PCDHGB1: variants seen among roughly 807,000 people sequenced by gnomAD.
The protein encoded by PCDHGB1 is protocadherin gamma subfamily B, 1, also known as protocadherin gamma-B1.
Under a neutral mutation model 56.6 loss-of-function variants are expected in PCDHGB1, and 34 were observed. The ratio of observed to expected loss-of-function variants is 0.60; its 90% confidence interval spans 0.46 to 0.80. PCDHGB1 has a LOEUF of 0.80. Among genes scored for constraint, PCDHGB1 ranks in the 30% least tolerant of loss-of-function variants. The pLI is 0.00. For synonymous variants in PCDHGB1, 561 were observed against 505.9 expected, an observed-to-expected ratio of 1.11 and a Z score of -1.46; for missense variants, 1,278 against 1,204.6, an observed-to-expected ratio of 1.06 and a Z score of -0.90.
chr5:141,369,045 A>G (rs1239688019), intron 1 of PCDHGB1, among the ~76,000 whole-genome samples: 2 of 152,192 alleles, frequency 1.3e-5, no homozygotes, highest in East Asian at 1.9e-4. Flanking sequence ...TAGAGTAACA[A>G]TACATTATGT....
intron 1 of PCDHGB1, among the ~76,000 whole-genome samples, chr5:141,368,795 A>G (rs1765861379): frequency 6.6e-6 from 1 of 152,188 alleles, no homozygotes; most frequent in Non-Finnish European, 1.5e-5. Flanking sequence ...ATAATTTTTC[A>G]TACTAATTGA....
chr5:141,366,824 C>T, intron 1 of PCDHGB1: 1 of 1,535,428 alleles, frequency 6.5e-7, no homozygotes, highest in Non-Finnish European at 8.8e-7. Context: ...CTGTCATATT[C>T]AGAATCAGCT....
rs1466755382 is a variant in PCDHGB1 at position 141,384,339 on chromosome 5, C to G, written c.2409+31670C>G. 19 of 1,613,782 alleles carry G rather than the reference C, an allele frequency of 1.2e-5. 1 individual carries two copies. Among genetic ancestry groups the G allele is most frequent in the Non-Finnish European group, 1.6e-5 (19 of 1,179,910 alleles). ...TCTTAGTGACTGCACAGGACCACGA[C>G]AGTGAGGATAATGCCCAGATCACTT... On this transcript the variant is annotated intron_variant, in intron 1 of 3. Coordinates refer to ENST00000523390, the MANE Select transcript of PCDHGB1 (RefSeq NM_018922.3).
At chr5:141,501,326 CACACACA>C (rs1562200783) in intron 2 of PCDHGB1, among the ~76,000 whole-genome samples, 10 of 151,784 alleles carry the variant, frequency 6.6e-5, no homozygotes, top group African/African-American at 1.9e-4. Flanking sequence ...CACACACACA[CACACACA>C]CCCCAAACTC....
Position 141,379,889 on chromosome 5 carries a change from C to CTTTTTT in PCDHGB1, c.2409+27245_2409+27250dup, listed in dbSNP as rs70988800. Among the ~76,000 whole-genome samples the CTTTTTT allele has an allele frequency of 6.7e-3, 342 of 50,826 alleles. 49 individuals carry two copies. Among genetic ancestry groups the CTTTTTT allele is most frequent in the African/African-American group, 8.9e-3 (134 of 15,072 alleles). 33.3% of individuals were successfully genotyped at this position (50,826 alleles called of 152,430 possible). On this transcript the variant is annotated intron_variant, in intron 1 of 3. Transcript: ENST00000523390. ...CTTATTTTATGGTCTGTGAAAGCCT[C>CTTTTTT]TTTTTTTTTTTTTTTTTTTTTTTTT...
chr5:141,494,845 C>G lies in PCDHGB1; in HGVS notation c.2448C>G (p.Ala816=), dbSNP rs747484430. The part of the protein sequence containing the change: ...PPNTDWRFSQ[A]QRPGTSGSQN... Reference sequence around the variant, plus strand: ...ACACGGACTGGCGTTTCTCTCAGGCCCAGAGACCCGGCACCAGCGGGTAGG... The same window carrying G: ...ACACGGACTGGCGTTTCTCTCAGGCGCAGAGACCCGGCACCAGCGGGTAGG... The change falls in exon 2 of 4, where the codon GCC becomes GCG. Residue 816 remains alanine, a synonymous_variant. Transcript: ENST00000523390. 1.2e-6 allele frequency: 2 copies of G among 1,614,144 alleles called. No individual in the cohort carries two copies. The highest frequency in any genetic ancestry group is 1.7e-6 in the Non-Finnish European group (2 of 1,180,028).
intron 1 of PCDHGB1, among the ~76,000 whole-genome samples, chr5:141,457,984 A>G (rs1210742359): frequency 2.0e-5 from 3 of 152,226 alleles, no homozygotes; most frequent in Non-Finnish European, 1.5e-5. Context: ...ACACCCTTTC[A>G]GTTAAAGCCT....
rs1561589443 is a variant in PCDHGB1, at chr5:141,381,835, T to TCTTCTTC, written c.2409+29166_2409+29167insCTTCTTC. Reference sequence around the variant, plus strand: ...TTCTTTCTTTCTTCTTCTTTTTTTTTTTTTTTTTTTTTTGGCAGAGTTTTG... The same window carrying TCTTCTTC: ...TTCTTTCTTTCTTCTTCTTTTTTTTTCTTCTTCTTTTTTTTTTTTTGGCAGAGTTTTG... On this transcript the variant is annotated intron_variant, in intron 1 of 3. Coordinates refer to ENST00000523390, the MANE Select transcript of PCDHGB1 (RefSeq NM_018922.3). 3.4e-3 allele frequency among the ~76,000 whole-genome samples: 481 copies of TCTTCTTC among 141,024 alleles called. 2 individuals carry two copies. Among genetic ancestry groups the TCTTCTTC allele is most frequent in the African/African-American group, 0.012 (438 of 36,478 alleles). The allele number at this position is 141,024 out of a possible 152,430, so 92.5% of individuals were successfully genotyped here. A position where few individuals can be genotyped will look rare whatever the true frequency, so the allele number is the denominator to read the frequency against.
At chr5:141,370,431 C>T (rs781725502) in intron 1 of PCDHGB1, 6 of 1,599,456 alleles carry the variant, frequency 3.8e-6, no homozygotes, top group Non-Finnish European at 5.1e-6. Context: ...CCCAGCAGGG[C>T]AGAGGCGAAT....
chr5:141,487,718 A>G lies in PCDHGB1; in HGVS notation c.2410-7089A>G. Reference sequence around the variant, plus strand: ...TACTGGCCTCTCAGTAAGTGCCCATAGTGATGTCACCATTTTTGTAAGAGG... The same window carrying G: ...TACTGGCCTCTCAGTAAGTGCCCATGGTGATGTCACCATTTTTGTAAGAGG... On this transcript the variant is annotated intron_variant, in intron 1 of 3. Coordinates refer to ENST00000523390, the MANE Select transcript of PCDHGB1 (RefSeq NM_018922.3). The surrounding 1 kb of genome is among the most constrained non-coding windows in gnomAD (Gnocchi z 5.0). The G allele has an allele frequency of 1.3e-6, 2 of 1,580,268 alleles. No individual in the cohort carries two copies. The highest frequency in any genetic ancestry group is 1.7e-6 in the Non-Finnish European group (2 of 1,161,186).
At chr5:141,361,625 A>AGCC (rs747981041) in intron 1 of PCDHGB1, 1 of 1,613,928 alleles carries the variant, frequency 6.2e-7, no homozygotes, top group African/African-American at 1.3e-5. Context: ...AGCGACCTGA[A>AGCC]GCCGCGGGAG....
At chr5:141,360,153 G>T in intron 1 of PCDHGB1, 2 of 1,604,018 alleles carry the variant, frequency 1.2e-6, no homozygotes, top group Non-Finnish European at 1.7e-6. Context: ...CGAGCTCAGG[G>T]AGGTGCGGGC....
chr5:141,391,885 G>C (rs1250781964), intron 1 of PCDHGB1: 2 of 152,194 alleles, frequency 1.3e-5, no homozygotes, highest in Non-Finnish European at 2.9e-5. Flanking sequence ...TGGTGAAAGG[G>C]ATGGGATGGA....
At position 141,432,069 on chromosome 5, in the gene PCDHGB1, A is replaced by G. The variant is rs572724741; in HGVS notation, c.2410-62738A>G. On this transcript the variant is annotated intron_variant, in intron 1 of 3. Transcript: ENST00000523390. The surrounding 1 kb of genome is among the most constrained non-coding windows in gnomAD (Gnocchi z 6.0). ...ACCCCGCCCCTATCCACGGAAACTC[A>G]TATCTCGCTGAACGTGGCAGACACC... 646 of 1,614,168 alleles carry G rather than the reference A, an allele frequency of 4.0e-4. 5 individuals are homozygous for G. In the South Asian group the frequency reaches 6.9e-3, roughly 17 times the overall value.
chr5:141,405,838 T>C (rs1561702145), intron 1 of PCDHGB1, among the ~76,000 whole-genome samples: 4 of 152,300 alleles, frequency 2.6e-5, no homozygotes, highest in Admixed American at 2.0e-4. Flanking sequence ...TAGTATAAGT[T>C]GATATCAGTG....
At chr5:141,468,802 C>G (rs928501013) in intron 1 of PCDHGB1, among the ~76,000 whole-genome samples, 1 of 151,620 alleles carries the variant, frequency 6.6e-6, no homozygotes, top group African/African-American at 2.4e-5. Context: ...GGAGGCGGAA[C>G]TTGCAGTGAG....
At chr5:141,382,922 G>A (rs760288273) in intron 1 of PCDHGB1, 35 of 1,561,514 alleles carry the variant, frequency 2.2e-5, no homozygotes, top group Non-Finnish European at 2.9e-5. Context: ...CCGAGGGGCG[G>A]GGACTACAGA....
chr5:141,417,627 G>C, intron 1 of PCDHGB1: 1 of 694,264 alleles, frequency 1.4e-6, no homozygotes, highest in Non-Finnish European at 2.3e-6. Flanking sequence ...AGCAAGCGCT[G>C]ACGCCGGGGA....
chr5:141,511,041 C>T lies in PCDHGB1; in HGVS notation c.2652C>T (p.Pro884=), dbSNP rs1421629777. 1.5e-5 allele frequency: 24 copies of T among 1,614,076 alleles called. No individual in the cohort carries two copies. The highest frequency in any genetic ancestry group is 5.5e-5 in the South Asian group (5 of 91,092). Residue 884 remains proline, a synonymous_variant, in exon 4 of 4, where the codon CCC becomes CCT. Transcript: ENST00000523390. The part of the protein sequence containing the change: ...YGPQFTLQHV[P]DYRQNVYIPG... ...CCCAGTTCACCCTGCAGCACGTGCCCGACTACCGCCAGAATGTCTACATCC... is the reference window on the plus strand; with the variant it reads ...CCCAGTTCACCCTGCAGCACGTGCCTGACTACCGCCAGAATGTCTACATCC...
Sources: allele counts gnomAD v4.1 joint callset (sites outside exome capture counted in the v4.1 genomes callset), GRCh38; gene constraint gnomAD v4.1.1; non-coding constraint Gnocchi (gnomAD v3.1); transcripts MANE v1.5; gene names NCBI Gene and HGNC (gene_info 2026-07-23, HGNC 2026-07-21).